DNAH14: variants seen among roughly 807,000 people sequenced by gnomAD.
DNAH14 encodes axonemal beta dynein heavy chain 14.
Under a neutral mutation model 520.9 loss-of-function variants are expected in DNAH14, and 478 were observed. The ratio of observed to expected loss-of-function variants is 0.92; its 90% CI spans 0.85 to 0.99. The LOEUF is 0.99. Ranked by LOEUF, DNAH14 falls within the 50% of genes least tolerant of loss-of-function variation. The pLI, the probability that DNAH14 is intolerant of heterozygous loss-of-function variation, is 0.00. For missense variants in DNAH14, 4,831 were observed against 5,234.5 expected (o/e 0.92, Z 2.38); for synonymous variants, 1,581 against 1,757.2 (o/e 0.90, Z 2.51).
intron 23 of DNAH14, among the ~76,000 whole-genome samples, chr1:225,103,367 A>G (rs1413350683): frequency 1.3e-5 from 2 of 152,204 alleles, no homozygotes; most frequent in Non-Finnish European, 2.9e-5. Context: ...TGACTTGACA[A>G]TGCGGGCTCT....
intron 54 of DNAH14, among the ~76,000 whole-genome samples, chr1:225,278,977 T>C (rs1355934342): frequency 1.3e-5 from 2 of 152,092 alleles, no homozygotes; most frequent in Non-Finnish European, 2.9e-5. Context: ...TGTTGGGGTT[T>C]TTTTGTTTGT....
At chr1:225,040,001 G>C (rs1157960627) in intron 12 of DNAH14, among the ~76,000 whole-genome samples, 1 of 137,876 alleles carries the variant, frequency 7.3e-6, no homozygotes, top group African/African-American at 2.7e-5. Flanking sequence ...GCTGTGGTGT[G>C]ATCTCGACTC....
chr1:225,370,399 A>G (rs1008184796), intron 77 of DNAH14, among the ~76,000 whole-genome samples: 5 of 151,536 alleles, frequency 3.3e-5, no homozygotes, highest in African/African-American at 1.2e-4. Flanking sequence ...GCACGCCTGT[A>G]CTCCCAGCCA....
chr1:225,129,671 G>A (rs2078167903), intron 27 of DNAH14, among the ~76,000 whole-genome samples: 1 of 151,554 alleles, frequency 6.6e-6, no homozygotes, highest in Non-Finnish European at 1.5e-5. Flanking sequence ...ATTAATTCAA[G>A]ATGGATTAAA....
intron 1 of DNAH14, among the ~76,000 whole-genome samples, chr1:224,947,816 G>A (rs1009808030): frequency 3.3e-5 from 5 of 151,446 alleles, no homozygotes; most frequent in African/African-American, 9.7e-5. Context: ...TATTTAGACA[G>A]GTATTTCTTT....
At chr1:225,349,331 G>A (rs2150450032) in intron 71 of DNAH14, among the ~76,000 whole-genome samples, 1 of 152,020 alleles carries the variant, frequency 6.6e-6, no homozygotes, top group Middle Eastern at 3.4e-3. Flanking sequence ...ACTGAGAAGG[G>A]AATCAAAGTA....
At position 224,946,915 on chromosome 1, in the gene DNAH14, C is replaced by CTTT. The variant is rs746576812; in HGVS notation, c.-33-5737_-33-5735dup. Among the ~76,000 whole-genome samples, 27 of 108,236 alleles carry CTTT rather than the reference C, an allele frequency of 2.5e-4. 1 individual carries two copies. Among genetic ancestry groups the CTTT allele is most frequent in the South Asian group, 3.0e-4 (1 of 3,358 alleles). 71.0% of individuals were successfully genotyped at this position (108,236 alleles called of 152,430 possible). ...TTGTTGTATATCAACGTTTCATCTA[C>CTTT]TTTTTTTTTTTTTTTTTTTTGAGAC... On this transcript the variant is annotated intron_variant, in intron 1 of 85. Coordinates refer to ENST00000682510, the MANE Select transcript of DNAH14 (RefSeq NM_001367479.1).
chr1:225,012,876 G>T (rs1421497271), intron 10 of DNAH14, among the ~76,000 whole-genome samples: 2 of 152,090 alleles, frequency 1.3e-5, no homozygotes, highest in Non-Finnish European at 2.9e-5. Context: ...CTTTTATCAA[G>T]GTTCTTACCT....
intron 60 of DNAH14, among the ~76,000 whole-genome samples, chr1:225,318,343 C>G (rs1421010101): frequency 6.6e-6 from 1 of 152,144 alleles, no homozygotes; most frequent in Non-Finnish European, 1.5e-5. Context: ...AGAAATCACT[C>G]AGTGTTTTTG....
At chr1:225,366,200 C>G (rs1047106372) in intron 76 of DNAH14, among the ~76,000 whole-genome samples, 2 of 152,124 alleles carry the variant, frequency 1.3e-5, no homozygotes, top group African/African-American at 4.8e-5. Context: ...AATGAAATAA[C>G]TACTCTCACA....
rs115676777 is a variant in DNAH14, at chr1:225,335,149, A to G, written c.10080+1643A>G. ...TACATATGTGCATGTGCACATGTGT[A>G]CATGTGTGCATGTGTGCATGTGTAC... On this transcript the variant is annotated intron_variant, in intron 66 of 85. Transcript: ENST00000682510. Among the ~76,000 whole-genome samples, 321 of 142,944 alleles carry G rather than the reference A, an allele frequency of 2.2e-3. 1 individual carries two copies. Among genetic ancestry groups the G allele is most frequent in the Non-Finnish European group, 3.1e-3 (203 of 65,138 alleles). The allele number at this position is 142,944 out of a possible 152,430, so 93.8% of individuals were successfully genotyped here.
In DNAH14 at chr1:225,079,503, A is replaced by T. The variant is rs1224950129; in HGVS notation, c.2721A>T (p.Ala907=). The T allele has an allele frequency of 1.9e-6, 3 of 1,540,546 alleles. No homozygotes were observed. In the African/African-American group the frequency reaches 4.2e-5, roughly 21 times the overall value. The change falls in exon 18 of 86, where the codon GCA becomes GCT. Residue 907 remains alanine (A), a synonymous_variant. Transcript: ENST00000682510. ...CTAAATTCAGAGATAACTTGGAAGC[A>T]TGTATCAGTGGTCTACATGTTGATG... ...AITKFRDNLE[A]CISGLHVDVG...
At chr1:225,354,639 G>A (rs1189507715) in intron 73 of DNAH14, among the ~76,000 whole-genome samples, 3 of 152,038 alleles carry the variant, frequency 2.0e-5, no homozygotes, top group African/African-American at 7.2e-5. Flanking sequence ...ATCTCAGACA[G>A]CATGGCTCTC....
At chr1:225,172,137 C>T (rs991925183) in intron 36 of DNAH14, among the ~76,000 whole-genome samples, 6 of 152,154 alleles carry the variant, frequency 3.9e-5, no homozygotes, top group African/African-American at 1.2e-4. Context: ...CTATCTATGA[C>T]AAACCCACAG....
At chr1:225,366,343 G>A (rs2095552856) in intron 76 of DNAH14, among the ~76,000 whole-genome samples, 1 of 152,128 alleles carries the variant, frequency 6.6e-6, no homozygotes, top group Admixed American at 6.5e-5. Context: ...AATAAATTAT[G>A]ATGTATTTGT....
At chr1:225,134,368 T>C (rs1223174762) in intron 27 of DNAH14, among the ~76,000 whole-genome samples, 2 of 152,200 alleles carry the variant, frequency 1.3e-5, no homozygotes, top group Admixed American at 6.5e-5. Flanking sequence ...GGCTTTGTCA[T>C]ATATAACTCT....
chr1:225,286,822 AC>A (rs769443368), intron 54 of DNAH14, among the ~76,000 whole-genome samples: 1 of 152,230 alleles, frequency 6.6e-6, no homozygotes, highest in Non-Finnish European at 1.5e-5. Context: ...ACTGGAAGCA[AC>A]CAAGATTCCT....
chr1:225,358,515 A>C lies in DNAH14; in HGVS notation c.11639A>C (p.Glu3880Ala), dbSNP rs1182293383. Reference sequence around the variant, plus strand: ...TTTTAGGTAAAAGTTCTTAGACCAGAAAGTTTAAACAATTCAGTGAGAAAG... The same window carrying C: ...TTTTAGGTAAAAGTTCTTAGACCAGCAAGTTTAAACAATTCAGTGAGAAAG... ...RLILVKVLRP[E>A]SLNNSVRKFI... Residue 3880 changes from glutamate (E) to alanine (A), a missense_variant, in exon 74 of 86, where the codon GAA becomes GCA. By Grantham distance (107) the Glu-to-Ala change is moderately radical. Coordinates refer to ENST00000682510, the MANE Select transcript of DNAH14 (RefSeq NM_001367479.1). 1 of 1,525,790 alleles carries C rather than the reference A, an allele frequency of 6.6e-7. No individual in the cohort carries two copies. The highest frequency in any genetic ancestry group is 8.8e-7 in the Non-Finnish European group (1 of 1,137,992). 94.5% of individuals were successfully genotyped at this position (1,525,790 alleles called of 1,614,324 possible).
chr1:225,090,559 T>C (rs536335935), intron 21 of DNAH14, among the ~76,000 whole-genome samples: 2 of 152,190 alleles, frequency 1.3e-5, no homozygotes, highest in Admixed American at 1.3e-4. Flanking sequence ...AGTACAGAAA[T>C]AGACCCACAT....
Sources: allele counts gnomAD v4.1 joint callset (sites outside exome capture counted in the v4.1 genomes callset), GRCh38; gene constraint gnomAD v4.1.1; transcripts MANE v1.5; gene names NCBI Gene and HGNC (gene_info 2026-07-23, HGNC 2026-07-21).